The following ICA1 variants were observed in gnomAD, a reference collection of about 807,000 sequenced individuals.
ICA1 encodes 69 kDa islet cell autoantigen.
A neutral mutation model predicts 71.0 loss-of-function variants in ICA1; 40 were observed. That is an observed-to-expected ratio of 0.56 (90% CI 0.44 to 0.73). The LOEUF is 0.73. Ranked by LOEUF, ICA1 falls within the 30% of genes least tolerant of loss-of-function variation. The probability of loss-of-function intolerance (pLI) is 0.00; values close to 1 mark genes in which losing one functional copy is unlikely to be tolerated. For synonymous variants in ICA1, 207 were observed against 209.5 expected (o/e 0.99, Z 0.10); for missense variants, 578 against 576.5 (o/e 1.00, Z -0.03).
chr7:8,192,868 G>A (rs1449647513), intron 6 of ICA1, among the ~76,000 whole-genome samples: 1 of 152,070 alleles, frequency 6.6e-6, no homozygotes, highest in Non-Finnish European at 1.5e-5. Flanking sequence ...TTGGCGAATG[G>A]GAGCCTCTTT....
chr7:8,229,844 T>G (rs148522045), intron 3 of ICA1, among the ~76,000 whole-genome samples: 94 of 152,362 alleles, frequency 6.2e-4, no homozygotes, highest in African/African-American at 2.0e-3. Context: ...ATCAGCAGTC[T>G]GAATCTGTCC....
intron 1 of ICA1, 60 bp downstream of exon 1, chr7:8,262,034 T>A (rs1006070783): frequency 8.5e-5 from 13 of 152,150 alleles, no homozygotes; most frequent in African/African-American, 2.9e-4. Context: ...GCCGGGCGTC[T>A]CCTGCTGCTT....
At position 8,201,085 on chromosome 7, in the gene ICA1, T is replaced by G. The variant is rs147813032; in HGVS notation, c.579+17220A>C. Among the ~76,000 whole-genome samples, 334 of 152,316 alleles carry G rather than the reference T, an allele frequency of 2.2e-3. 2 individuals are homozygous for G. Among genetic ancestry groups the G allele is most frequent in the Admixed American group, 4.4e-3 (67 of 15,306 alleles). ...TAGTCATAGAAAATTGGGGCAATAT[T>G]TTTGTAATATATCAACGTGGTTTTC... On this transcript the variant is annotated intron_variant, in intron 6 of 13. Coordinates refer to ENST00000402384, the MANE Select transcript of ICA1 (RefSeq NM_001136020.3).
chr7:8,135,271 C>T (rs986605337), intron 12 of ICA1, among the ~76,000 whole-genome samples: 2 of 152,112 alleles, frequency 1.3e-5, no homozygotes, highest in South Asian at 4.1e-4. Flanking sequence ...AAGTGATCCG[C>T]CCATCTTGTC....
rs1038867665 is a variant in ICA1, at chr7:8,194,561, T to C, written c.579+23744A>G. Among the ~76,000 whole-genome samples the C allele has an allele frequency of 3.3e-5, 5 of 152,322 alleles. No homozygotes were observed. In the East Asian group the frequency reaches 7.7e-4, roughly 23 times the overall value. ...AAGTCCCTTGAGCCATCAAAAGCTA[T>C]AAAAATGTTACTTCTTCTTGACCAA... On this transcript the variant is annotated intron_variant, in intron 6 of 13. Coordinates refer to ENST00000402384, the MANE Select transcript of ICA1 (RefSeq NM_001136020.3).
Position 8,142,398 on chromosome 7 carries a change from T to C in ICA1, c.903-581A>G, listed in dbSNP as rs139626925. On this transcript the variant is annotated intron_variant, in intron 9 of 13. Coordinates refer to ENST00000402384, the MANE Select transcript of ICA1 (RefSeq NM_001136020.3). ...ATTTCTAAACAAAATTCACGTTCAG[T>C]GTTCACTGTCATTTTAAATAGTTAC... Among the ~76,000 whole-genome samples, 89 of 152,376 alleles carry C rather than the reference T, an allele frequency of 5.8e-4. No individual in the cohort carries two copies. The Middle Eastern group carries it at 0.014, about 23-fold the overall frequency.
rs1797347305 is a variant in ICA1 at position 8,222,278 on chromosome 7, G to C, written c.257-880C>G. Among the ~76,000 whole-genome samples, 1 of 152,158 alleles carries C rather than the reference G, an allele frequency of 6.6e-6. No individual in the cohort carries two copies. The highest frequency in any genetic ancestry group is 2.4e-5 in the African/African-American group (1 of 41,430). On this transcript the variant is annotated intron_variant, in intron 4 of 13. Transcript: ENST00000402384. This position sits in a 1 kb window ranked among gnomAD's most constrained non-coding sequence, Gnocchi z 4.8. Reference sequence around the variant, plus strand: ...TACAGCATACCCACATAATGGTACAGTGGGGGTCCTGAACACACACCAGCA... The same window carrying C: ...TACAGCATACCCACATAATGGTACACTGGGGGTCCTGAACACACACCAGCA...
At chr7:8,116,095 T>G (rs1562483781) in intron 13 of ICA1, among the ~76,000 whole-genome samples, 4 of 152,232 alleles carry the variant, frequency 2.6e-5, no homozygotes, top group Non-Finnish European at 5.9e-5. Context: ...TTTCTGGGAT[T>G]ATGCGAAATT....
chr7:8,199,756 A>G (rs1788918924), intron 6 of ICA1, among the ~76,000 whole-genome samples: 2 of 152,178 alleles, frequency 1.3e-5, no homozygotes, highest in African/African-American at 4.8e-5. Flanking sequence ...TGTCGTTTGC[A>G]ACAACATGGA....
At chr7:8,232,524 G>C (rs956146104) in intron 3 of ICA1, 66 bp downstream of exon 3, 12 of 1,372,934 alleles carry the variant, frequency 8.7e-6, no homozygotes, top group Non-Finnish European at 1.2e-5. Flanking sequence ...GCCTCAGTGA[G>C]TATACTCTAG....
At chr7:8,149,891 A>G (rs1218798485) in intron 8 of ICA1, among the ~76,000 whole-genome samples, 3 of 152,246 alleles carry the variant, frequency 2.0e-5, no homozygotes, top group Admixed American at 2.0e-4. Flanking sequence ...ATAAAAACAG[A>G]GGCCACAGTG....
At chr7:8,221,217 G>A (rs1024688282) in intron 5 of ICA1, 58 bp downstream of exon 5, 20 of 1,604,172 alleles carry the variant, frequency 1.2e-5, no homozygotes, top group East Asian at 4.5e-5. Flanking sequence ...TCGTGAGTAG[G>A]TGGGTCCCGG....
At chr7:8,251,094 C>T (rs1047933170) in intron 1 of ICA1, among the ~76,000 whole-genome samples, 6 of 151,874 alleles carry the variant, frequency 4.0e-5, no homozygotes, top group Non-Finnish European at 5.9e-5. Flanking sequence ...AAAATGCCTC[C>T]CAATGCTAGT....
chr7:8,218,655 C>T (rs1311974895), intron 5 of ICA1, 152 bp from the exon 6 acceptor site: 2 of 663,636 alleles, frequency 3.0e-6, no homozygotes, highest in Admixed American at 2.3e-5. Flanking sequence ...AATCGAAATG[C>T]ATGTAGTTCC....
chr7:8,243,538 T>A (rs1250857729), intron 1 of ICA1, among the ~76,000 whole-genome samples: 2 of 152,200 alleles, frequency 1.3e-5, no homozygotes, highest in African/African-American at 4.8e-5. Context: ...ACCACTCCCA[T>A]TCAACATAGT....
At chr7:8,146,986 G>T (rs1443895439) in intron 8 of ICA1, among the ~76,000 whole-genome samples, 2 of 151,626 alleles carry the variant, frequency 1.3e-5, no homozygotes, top group Non-Finnish European at 2.9e-5. Flanking sequence ...TTCAGCCAAG[G>T]TTCTGATGGC....
At chr7:8,125,603 T>C (rs1162718129) in intron 13 of ICA1, among the ~76,000 whole-genome samples, 1 of 152,212 alleles carries the variant, frequency 6.6e-6, no homozygotes, top group African/African-American at 2.4e-5. Context: ...TACTATGCGA[T>C]TTGCTTATTA....
Position 8,234,230 on chromosome 7 carries a change from AGAG to A in ICA1, c.18-1478_18-1476del, listed in dbSNP as rs1248727029. 6.6e-6 allele frequency among the ~76,000 whole-genome samples: 1 copy of A among 152,246 alleles called. No individual in the cohort carries two copies. Among genetic ancestry groups the A allele is most frequent in the Admixed American group, 6.5e-5 (1 of 15,286 alleles). On this transcript the variant is annotated intron_variant, in intron 2 of 13. Transcript: ENST00000402384. The surrounding 1 kb of genome is among the most constrained non-coding windows in gnomAD (Gnocchi z 4.5). The stretch of plus-strand genomic sequence containing the variant: ...GACCCTGTCCCTCAAAAAAGAAAAA[AGAG>A]AAGAAAAAAGAGAAAAGAAACAAAA...
intron 6 of ICA1, among the ~76,000 whole-genome samples, chr7:8,214,392 T>C (rs974716712): frequency 6.6e-6 from 1 of 152,230 alleles, no homozygotes; most frequent in Non-Finnish European, 1.5e-5. Context: ...CGTTGTAACT[T>C]TGCTCATAAA....
Sources: gnomAD v4.1 joint callset for allele counts (sites outside exome capture counted in the v4.1 genomes callset) on GRCh38, gnomAD v4.1.1 for gene constraint, Gnocchi (gnomAD v3.1) non-coding constraint, MANE v1.5 for transcripts, NCBI Gene and HGNC (gene_info 2026-07-23, HGNC 2026-07-21) for gene names.